VTI1B: variants seen among roughly 807,000 people sequenced by gnomAD.
VTI1B encodes vesicle transport through interaction with t-SNAREs homolog 1B.
A neutral mutation model predicts 28.6 loss-of-function variants in VTI1B; 18 were observed. That is an observed-to-expected ratio of 0.63 (90% CI 0.43 to 0.93). VTI1B has a LOEUF of 0.93. Among genes scored for constraint, VTI1B ranks in the 40% least tolerant of loss-of-function variants. The probability of loss-of-function intolerance (pLI) is 0.00; values close to 1 mark genes in which losing one functional copy is unlikely to be tolerated. For missense variants in VTI1B, 283 were observed against 297.0 expected, an observed-to-expected ratio of 0.95 and a Z score of 0.35; for synonymous variants, 100 against 107.9, an observed-to-expected ratio of 0.93 and a Z score of 0.46.
In VTI1B at chr14:67,662,129, T is replaced by C. The variant is rs371149952; in HGVS notation, c.174+348A>G. On this transcript the variant is annotated intron_variant, in intron 2 of 5. Transcript: ENST00000554659. The stretch of plus-strand genomic sequence containing the variant: ...CGAGACTGTGCCACTGCACTCCAGC[T>C]TGGGCAACAGAGCGAGACTCTGTCT... Among the ~76,000 whole-genome samples the C allele has an allele frequency of 3.0e-4, 46 of 151,648 alleles. 1 individual carries two copies. The highest frequency in any genetic ancestry group is 1.1e-3 in the African/African-American group (45 of 41,236).
At position 67,647,096 on chromosome 14, in the gene VTI1B, C is replaced by A; in HGVS notation, c.*4289G>T. 1.0e-6 allele frequency: 1 copy of A among 988,398 alleles called. No homozygotes were observed. The highest frequency in any genetic ancestry group is 1.6e-6 in the Non-Finnish European group (1 of 638,462). 61.2% of individuals were successfully genotyped at this position (988,398 alleles called of 1,614,324 possible). On this transcript the variant is annotated 3_prime_UTR_variant, in exon 6 of 6. Transcript: ENST00000554659. The stretch of plus-strand genomic sequence containing the variant: ...ACACTTTTAGCCTGTTTCTTGAGGA[C>A]AGCAGCTTTACTTTTAAAATACAAA...
chr14:67,661,199 G>A (rs947358866), intron 2 of VTI1B, among the ~76,000 whole-genome samples: 1 of 138,108 alleles, frequency 7.2e-6, no homozygotes, highest in African/African-American at 2.6e-5. Flanking sequence ...CAGAATTTTG[G>A]CCCCAATCTT....
At chr14:67,654,348 G>C (rs2037227665) in intron 4 of VTI1B, among the ~76,000 whole-genome samples, 1 of 149,622 alleles carries the variant, frequency 6.7e-6, no homozygotes, top group Non-Finnish European at 1.5e-5. Context: ...TCGCTATGTT[G>C]CCCAGGCTGG....
rs753545950 is a variant in VTI1B, at chr14:67,659,909, T to G, written c.188A>C (p.Glu63Ala). 1.9e-6 allele frequency: 3 copies of G among 1,613,140 alleles called. No individual in the cohort carries two copies. The highest frequency in any genetic ancestry group is 2.5e-6 in the Non-Finnish European group (3 of 1,179,460). The change falls in exon 3 of 6, where the codon GAG (glutamate) becomes GCG (alanine). Residue 63 changes from glutamate to alanine, a missense_variant. Coordinates refer to ENST00000554659, the MANE Select transcript of VTI1B (RefSeq NM_006370.3). ...CAGGGGTGCATAACGTAGCTCCTCC[T>G]CCATCTCTGCCAGCTGGGAAGGCAG... is the stretch of plus-strand genomic sequence containing the variant. Reference protein sequence around the residue: ...QEANETLAEMEEELRYAPLSF... With the variant: ...QEANETLAEMAEELRYAPLSF...
chr14:67,651,207 G>A lies in VTI1B; in HGVS notation c.*178C>T, dbSNP rs190226837. The A allele has an allele frequency of 1.1e-5, 14 of 1,241,976 alleles. No individual in the cohort carries two copies. Among genetic ancestry groups the A allele is most frequent in the Non-Finnish European group, 1.5e-5 (14 of 932,500 alleles). The allele number at this position is 1,241,976 out of a possible 1,614,324, so 76.9% of individuals were successfully genotyped here. A position where few individuals can be genotyped will look rare whatever the true frequency, so the allele number is the denominator to read the frequency against. ...GGTATATCATACTGGTCTTGTTGCT[G>A]TTGTTCCTTCACATTTAAGTGGTTT... On this transcript the variant is annotated 3_prime_UTR_variant, in exon 6 of 6. Transcript: ENST00000554659.
At chr14:67,656,786 A>T (rs10483803) in intron 3 of VTI1B, among the ~76,000 whole-genome samples, 197 bp from the exon 4 acceptor site, 4,271 of 152,280 alleles carry the variant, frequency 0.028, 216 homozygotes, top group African/African-American at 0.098. Flanking sequence ...AATCAATAGG[A>T]TCACAATACC....
chr14:67,668,052 G>A (rs2037423361), intron 1 of VTI1B, among the ~76,000 whole-genome samples: 1 of 152,162 alleles, frequency 6.6e-6, no homozygotes, highest in South Asian at 2.1e-4. Context: ...GTACTCCATA[G>A]TGACTATTTT....
At chr14:67,670,723 T>C (rs1009050046) in intron 1 of VTI1B, among the ~76,000 whole-genome samples, 3 of 152,176 alleles carry the variant, frequency 2.0e-5, no homozygotes, top group Non-Finnish European at 2.9e-5. Context: ...GAGATGGGGT[T>C]TCACCATGTT....
Position 67,659,713 on chromosome 14 carries a change from A to T in VTI1B, c.366+18T>A, listed in dbSNP as rs773684914. ...CCCTTAAAGGAAAAAAAAAACAAAC[A>T]AAACAGCTAAAACTTACCATATGCT... is the stretch of plus-strand genomic sequence containing the variant. On this transcript the variant is annotated intron_variant, in intron 3 of 5. Coordinates refer to ENST00000554659, the MANE Select transcript of VTI1B (RefSeq NM_006370.3). The T allele has an allele frequency of 4.5e-6, 7 of 1,572,372 alleles. No homozygotes were observed. The highest frequency in any genetic ancestry group is 6.0e-6 in the Non-Finnish European group (7 of 1,163,598).
At chr14:67,669,314 G>A (rs1262832823) in intron 1 of VTI1B, among the ~76,000 whole-genome samples, 2 of 150,174 alleles carry the variant, frequency 1.3e-5, no homozygotes, top group East Asian at 3.9e-4. Flanking sequence ...CTGTCACCCA[G>A]GTTGGAGTGC....
intron 2 of VTI1B, among the ~76,000 whole-genome samples, chr14:67,661,265 T>C (rs75178848): frequency 0.012 from 1,448 of 122,030 alleles, 43 homozygotes; most frequent in African/African-American, 0.04. Context: ...CTCTTGCTTC[T>C]ATAGGGCTAG....
At chr14:67,658,840 C>T (rs1285724167) in intron 3 of VTI1B, among the ~76,000 whole-genome samples, 1 of 152,156 alleles carries the variant, frequency 6.6e-6, no homozygotes, top group Non-Finnish European at 1.5e-5. Context: ...CTAGTTTTGG[C>T]ATCAGCAATG....
intron 4 of VTI1B, among the ~76,000 whole-genome samples, chr14:67,655,662 T>C (rs951523359): frequency 6.6e-6 from 1 of 152,190 alleles, no homozygotes; most frequent in Non-Finnish European, 1.5e-5. Flanking sequence ...TAACAGGATA[T>C]AAGCAGATGA....
chr14:67,655,526 A>AC (rs1172441944), intron 4 of VTI1B, among the ~76,000 whole-genome samples: 1 of 149,466 alleles, frequency 6.7e-6, no homozygotes, highest in African/African-American at 2.5e-5. Flanking sequence ...TTTCCCTATT[A>AC]CTTTTTTTTT....
Position 67,648,033 on chromosome 14 carries a change from C to G in VTI1B, c.*3352G>C. ...GTATTATTTTAAGTATTATTTTATCCTCTTCCTTTTTAGGAGACAAAGACC... is the reference window on the plus strand; with the variant it reads ...GTATTATTTTAAGTATTATTTTATCGTCTTCCTTTTTAGGAGACAAAGACC... On this transcript the variant is annotated 3_prime_UTR_variant, in exon 6 of 6. Transcript: ENST00000554659. 6.3e-7 allele frequency: 1 copy of G among 1,594,214 alleles called. No individual in the cohort carries two copies. The highest frequency in any genetic ancestry group is 8.6e-7 in the Non-Finnish European group (1 of 1,168,804).
intron 1 of VTI1B, among the ~76,000 whole-genome samples, chr14:67,672,721 G>A (rs928834298): frequency 6.6e-6 from 1 of 152,136 alleles, no homozygotes; most frequent in African/African-American, 2.4e-5. Flanking sequence ...GGAATTACAG[G>A]TGTGAGCCAC....
At position 67,656,510 on chromosome 14, in the gene VTI1B, G is replaced by C; in HGVS notation, c.446C>G (p.Ser149Cys). The change falls in exon 4 of 6, where the codon TCT becomes TGT. Residue 149 changes from serine to cysteine, a missense_variant. Physicochemically the swap from Ser to Cys is moderately radical, Grantham distance 112. Coordinates refer to ENST00000554659, the MANE Select transcript of VTI1B (RefSeq NM_006370.3). ...LNRATQSIER[S>C]HRIATETDQI... ...GTCAGTCTCTGTGGCAATCCGATGA[G>C]AACGTTCAATACTTTGGGTGGCCCG... 6.2e-7 allele frequency: 1 copy of C among 1,613,958 alleles called. No homozygotes were observed. The highest frequency in any genetic ancestry group is 8.5e-7 in the Non-Finnish European group (1 of 1,179,918).
rs778128902 is a variant in VTI1B at position 67,653,508 on chromosome 14, G to A, written c.541-10C>T. The A allele has an allele frequency of 6.2e-7, 1 of 1,611,456 alleles. No individual in the cohort carries two copies. The highest frequency in any genetic ancestry group is 2.2e-5 in the East Asian group (1 of 44,860). On this transcript the variant is annotated splice_polypyrimidine_tract_variant and intron_variant, in intron 4 of 5. Transcript: ENST00000554659. ...CACTTGTGTTTACCAGCTGAGAAGA[G>A]AAAATAGTGATTATTTCCCTCTTTA... is the stretch of plus-strand genomic sequence containing the variant.
At chr14:67,670,838 TTAAGG>T (rs2037457083) in intron 1 of VTI1B, among the ~76,000 whole-genome samples, 1 of 152,194 alleles carries the variant, frequency 6.6e-6, no homozygotes, top group Non-Finnish European at 1.5e-5. Flanking sequence ...TTGTTTCTTT[TTAAGG>T]TAAGAACTCT....
Sources: allele counts gnomAD v4.1 joint callset (sites outside exome capture counted in the v4.1 genomes callset), GRCh38; gene constraint gnomAD v4.1.1; transcripts MANE v1.5; gene names NCBI Gene and HGNC (gene_info 2026-07-23, HGNC 2026-07-21).